The following FGF14 variants were observed in gnomAD, a reference collection of about 807,000 sequenced individuals.
FGF14 encodes the protein fibroblast growth factor homologous factor 4.
FGF14 carries 5 observed loss-of-function variants against 25.5 expected under a neutral mutation model. The observed-to-expected ratio is 0.20, with a 90% CI of 0.10 to 0.41. The LOEUF is 0.41. Among genes scored for constraint, FGF14 ranks in the 10% least tolerant of loss-of-function variants. FGF14 has a pLI of 1.00. For synonymous variants in FGF14, 138 were observed against 118.3 expected, an observed-to-expected ratio of 1.17 and a Z score of -1.08; for missense variants, 222 against 320.1, an observed-to-expected ratio of 0.69 and a Z score of 2.34.
intron 1 of FGF14, among the ~76,000 whole-genome samples, chr13:102,120,408 T>G (rs1165873698): frequency 6.6e-6 from 1 of 152,164 alleles, no homozygotes; most frequent in Admixed American, 6.5e-5. Flanking sequence ...TAGTGTTAAA[T>G]GAGGAGAGCT....
At chr13:102,140,263 C>A (rs562828013) in intron 1 of FGF14, among the ~76,000 whole-genome samples, 2 of 152,134 alleles carry the variant, frequency 1.3e-5, no homozygotes, top group East Asian at 3.9e-4. Context: ...AAAATGACTA[C>A]CCAATACAGT....
intron 1 of FGF14, among the ~76,000 whole-genome samples, chr13:102,083,107 C>A (rs2043717365): frequency 6.6e-6 from 1 of 152,204 alleles, no homozygotes; most frequent in African/African-American, 2.4e-5. Context: ...TCCTTGATAT[C>A]TTTCTATCTC....
chr13:102,261,245 T>G (rs886797488), intron 1 of FGF14, among the ~76,000 whole-genome samples: 2 of 152,192 alleles, frequency 1.3e-5, no homozygotes, highest in Admixed American at 1.3e-4. Flanking sequence ...TTAGATAATT[T>G]TGGAAAATAT....
rs2139652486 is a variant in FGF14 at position 101,721,953 on chromosome 13, C to CA, written c.*877dup. ...ACAGAAATCTTTGGACCCACTTTCT[C>CA]AAAAACCAGTGGGTCTTGCTCGCTG... On this transcript the variant is annotated 3_prime_UTR_variant, in exon 5 of 5. Transcript: ENST00000376143. 6.6e-6 allele frequency: 1 copy of CA among 151,634 alleles called. No homozygotes were observed. The highest frequency in any genetic ancestry group is 1.9e-4 in the East Asian group (1 of 5,134). 9.4% of individuals were successfully genotyped at this position (151,634 alleles called of 1,614,324 possible).
chr13:102,026,119 G>T (rs11839852), intron 1 of FGF14, among the ~76,000 whole-genome samples: 2,826 of 151,952 alleles, frequency 0.019, 92 homozygotes, highest in African/African-American at 0.065. Flanking sequence ...GTTCTCTTCT[G>T]TTCCTAGTCT....
intron 1 of FGF14, among the ~76,000 whole-genome samples, chr13:102,124,028 A>T (rs1158174617): frequency 6.6e-6 from 1 of 151,564 alleles, no homozygotes; most frequent in Non-Finnish European, 1.5e-5. Context: ...TCCAACATCC[A>T]GAGTAACAAC....
chr13:102,128,278 G>A (rs598299), intron 1 of FGF14, among the ~76,000 whole-genome samples: 4,140 of 152,236 alleles, frequency 0.027, 189 homozygotes, highest in African/African-American at 0.094. Context: ...GTAGCTGTCG[G>A]CTAATATCAT....
At chr13:101,789,059 A>G (rs534310866) in intron 3 of FGF14, among the ~76,000 whole-genome samples, 17 of 151,460 alleles carry the variant, frequency 1.1e-4, no homozygotes, top group Non-Finnish European at 1.5e-5. Flanking sequence ...TTGGTTTTCC[A>G]AATCTTTCTT....
At chr13:102,138,109 C>T (rs1010972475) in intron 1 of FGF14, among the ~76,000 whole-genome samples, 1 of 150,518 alleles carries the variant, frequency 6.6e-6, no homozygotes, top group Non-Finnish European at 1.5e-5. Context: ...GGGACTCATC[C>T]TTTTCATTGA....
chr13:102,127,625 TA>T (rs2046003664), intron 1 of FGF14, among the ~76,000 whole-genome samples: 1 of 152,236 alleles, frequency 6.6e-6, no homozygotes. Context: ...TTTTATTATT[TA>T]AAATTTTTAT....
chr13:102,257,089 T>G (rs2052477700), intron 1 of FGF14, among the ~76,000 whole-genome samples: 2 of 152,066 alleles, frequency 1.3e-5, no homozygotes, highest in Non-Finnish European at 2.9e-5. Context: ...GGCAGTGAGA[T>G]TATTACAAAA....
chr13:102,013,047 C>T (rs2040160831), intron 1 of FGF14, among the ~76,000 whole-genome samples: 1 of 151,890 alleles, frequency 6.6e-6, no homozygotes, highest in Non-Finnish European at 1.5e-5. Flanking sequence ...CCCAGCTACT[C>T]GAGAGGTTGA....
At chr13:102,275,262 T>TCTCTCTCTCTC in intron 1 of FGF14, among the ~76,000 whole-genome samples, 1,594 of 68,926 alleles carry the variant, frequency 0.023, 156 homozygotes, top group South Asian at 0.031. Context: ...CTCTCTCTCT[T>TCTCTCTCTCTC]TCTCTCTCTC....
At chr13:101,935,149 GAAATAATAAAGGAAATCTCAT>G (rs1159642229) in intron 1 of FGF14, among the ~76,000 whole-genome samples, 2 of 152,192 alleles carry the variant, frequency 1.3e-5, no homozygotes, top group Non-Finnish European at 2.9e-5. Flanking sequence ...TACTAAAGTT[GAAATAATAAAGGAAATCTCAT>G]CATTTCCTGA....
At chr13:102,028,370 C>T (rs1383359227) in intron 1 of FGF14, among the ~76,000 whole-genome samples, 1 of 152,058 alleles carries the variant, frequency 6.6e-6, no homozygotes, top group East Asian at 1.9e-4. Context: ...TGCCTCCTTC[C>T]ACCAGTGGAA....
At position 101,726,598 on chromosome 13, in the gene FGF14, T is replaced by C. The variant is rs1194426073; in HGVS notation, c.607+14A>G. On this transcript the variant is annotated intron_variant, in intron 4 of 4. Transcript: ENST00000376143. ...AATAAGTCTATGTAATAATAATGCA[T>C]GCATAATACTCACCTTCCAATGGCT... 2 of 1,610,296 alleles carry C rather than the reference T, an allele frequency of 1.2e-6. No individual in the cohort carries two copies. The highest frequency in any genetic ancestry group is 1.3e-5 in the African/African-American group (1 of 74,812).
chr13:102,254,096 G>T (rs985181341), intron 1 of FGF14, among the ~76,000 whole-genome samples: 2 of 152,164 alleles, frequency 1.3e-5, no homozygotes, highest in Non-Finnish European at 2.9e-5. Flanking sequence ...GGGAAAGACT[G>T]GTTGGTGATG....
At chr13:101,988,033 C>T (rs2038688532) in intron 1 of FGF14, among the ~76,000 whole-genome samples, 1 of 151,948 alleles carries the variant, frequency 6.6e-6, no homozygotes, top group Non-Finnish European at 1.5e-5. Context: ...CATAAGAAGC[C>T]ATATGTAAAT....
At chr13:102,166,505 T>C (rs898079943) in intron 1 of FGF14, among the ~76,000 whole-genome samples, 2 of 152,144 alleles carry the variant, frequency 1.3e-5, no homozygotes, top group African/African-American at 4.8e-5. Context: ...TCAGCTCTCA[T>C]ACCGTGCACA....
Sources: gnomAD v4.1 joint callset for allele counts (sites outside exome capture counted in the v4.1 genomes callset) on GRCh38, gnomAD v4.1.1 for gene constraint, MANE v1.5 for transcripts, NCBI Gene and HGNC (gene_info 2026-07-23, HGNC 2026-07-21) for gene names.